Variants in DCHS2 observed in about 807,000 individuals in gnomAD.
DCHS2 encodes the protein dachsous cadherin-related 2.
DCHS2 carries 142 observed loss-of-function variants against 182.4 expected under a neutral mutation model. That is an observed-to-expected ratio of 0.78 (90% CI 0.68 to 0.89). The LOEUF (loss-of-function observed/expected upper bound fraction) is 0.89, where lower values mean the gene tolerates loss of function less well. Ranked by LOEUF, DCHS2 falls within the 40% of genes least tolerant of loss-of-function variation. DCHS2 has a pLI of 0.00. For synonymous variants in DCHS2, 1,740 were observed against 1,663.3 expected, an observed-to-expected ratio of 1.05 and a Z score of -1.12; for missense variants, 4,319 against 4,198.6, an observed-to-expected ratio of 1.03 and a Z score of -0.79.
chr4:154,428,623 A>T (rs1279173155), intron 1 of DCHS2, among the ~76,000 whole-genome samples: 1 of 152,084 alleles, frequency 6.6e-6, no homozygotes, highest in East Asian at 1.9e-4. Flanking sequence ...ATGAAAATGA[A>T]AAAAAGGAAA....
At chr4:154,466,317 A>T (rs1218298432) in intron 1 of DCHS2, among the ~76,000 whole-genome samples, 1 of 152,206 alleles carries the variant, frequency 6.6e-6, no homozygotes, top group Non-Finnish European at 1.5e-5. Flanking sequence ...TTCATTACTC[A>T]TAGCAAAGGT....
In DCHS2 at chr4:154,344,522, C is replaced by T. The variant is rs77845549; in HGVS notation, c.2477-9418G>A. 9.3e-3 allele frequency among the ~76,000 whole-genome samples: 1,416 copies of T among 152,256 alleles called. 17 individuals carry two copies. Among genetic ancestry groups the T allele is most frequent in the Middle Eastern group, 0.017 (5 of 294 alleles). On this transcript the variant is annotated intron_variant, in intron 3 of 19. Coordinates refer to ENST00000357232, the MANE Select transcript of DCHS2 (RefSeq NM_001358235.2). ...CAGGGTCTAATCAGGGAAACTGAAA[C>T]CGTCCTAAGAATTTTAGTGGCTATT...
chr4:154,470,503 G>T (rs1441155465), intron 1 of DCHS2, among the ~76,000 whole-genome samples: 4 of 134,728 alleles, frequency 3.0e-5, no homozygotes, highest in Non-Finnish European at 6.5e-5. Flanking sequence ...AAAAAAAAAT[G>T]TCAAACAGCT....
chr4:154,333,650 C>G, intron 4 of DCHS2, 156 bp from the exon 5 acceptor site: 1 of 748,528 alleles, frequency 1.3e-6, no homozygotes, highest in Non-Finnish European at 2.1e-6. Flanking sequence ...ATTCTGACAC[C>G]GTATTTTATT....
At chr4:154,409,636 A>G (rs931586659) in intron 1 of DCHS2, among the ~76,000 whole-genome samples, 2 of 152,118 alleles carry the variant, frequency 1.3e-5, no homozygotes, top group African/African-American at 4.8e-5. Context: ...TGGTGCCACA[A>G]TAGGCTCATA....
Position 154,242,796 on chromosome 4 carries a change from A to AATGTG in DCHS2, c.6942-29_6942-25dup, listed in dbSNP as rs772793115. 4 of 1,583,848 alleles carry AATGTG rather than the reference A, an allele frequency of 2.5e-6. No homozygotes were observed. The Admixed American group carries it at 5.8e-5, about 23-fold the overall frequency. On this transcript the variant is annotated intron_variant, in intron 16 of 19. Coordinates refer to ENST00000357232, the MANE Select transcript of DCHS2 (RefSeq NM_001358235.2). ...AGCTGGTTTGGAAAAAGAATCAAAG[A>AATGTG]ATGTGATTCATCATCCAGGAATTAG...
chr4:154,435,919 A>C (rs1167950419), intron 1 of DCHS2, among the ~76,000 whole-genome samples: 1 of 152,246 alleles, frequency 6.6e-6, no homozygotes, highest in Admixed American at 6.5e-5. Flanking sequence ...AGGTCAAGGC[A>C]GAGTGGAAAG....
chr4:154,322,649 T>C, intron 7 of DCHS2, 161 bp from the exon 8 acceptor site: 1 of 999,650 alleles, frequency 1.0e-6, no homozygotes, highest in Non-Finnish European at 1.4e-6. Context: ...GAAACATCAC[T>C]TTTTAAAAAT....
chr4:154,476,158 A>C (rs1189373472), intron 1 of DCHS2, among the ~76,000 whole-genome samples: 1 of 152,224 alleles, frequency 6.6e-6, no homozygotes, highest in South Asian at 2.1e-4. Context: ...TCTGCTACCC[A>C]AATTTTTTTC....
rs1560745809 is a variant in DCHS2 at position 154,417,200 on chromosome 4, T to TGA, written c.2053-39757_2053-39756insTC. On this transcript the variant is annotated intron_variant, in intron 1 of 19. Coordinates refer to ENST00000357232, the MANE Select transcript of DCHS2 (RefSeq NM_001358235.2). ...GTGTGTGTGTGTGTGTGTGTGTGTG[T>TGA]GTGTGAGAGAGAGAGAGAGAGAGAG... Among the ~76,000 whole-genome samples, 143 of 47,808 alleles carry TGA rather than the reference T, an allele frequency of 3.0e-3. 1 individual carries two copies. Among genetic ancestry groups the TGA allele is most frequent in the East Asian group, 7.0e-3 (9 of 1,294 alleles). The allele number at this position is 47,808 out of a possible 152,430, so 31.4% of individuals were successfully genotyped here.
chr4:154,346,338 A>G (rs367750992), intron 3 of DCHS2, among the ~76,000 whole-genome samples: 3 of 152,326 alleles, frequency 2.0e-5, no homozygotes, highest in East Asian at 3.9e-4. Context: ...GACAGCCCCT[A>G]CAAAGATGCT....
At chr4:154,257,286 A>G (rs1732737205) in intron 15 of DCHS2, among the ~76,000 whole-genome samples, 1 of 152,146 alleles carries the variant, frequency 6.6e-6, no homozygotes, top group South Asian at 2.1e-4. Flanking sequence ...TGGGTGGTCT[A>G]TCAGCTATGG....
intron 16 of DCHS2, among the ~76,000 whole-genome samples, chr4:154,254,314 C>A (rs1450594490): frequency 1.3e-5 from 2 of 152,144 alleles, no homozygotes; most frequent in Non-Finnish European, 2.9e-5. Context: ...GAAGCATTCT[C>A]AATATGCGGG....
intron 13 of DCHS2, among the ~76,000 whole-genome samples, chr4:154,286,513 G>A (rs1019048740): frequency 6.6e-6 from 1 of 151,896 alleles, no homozygotes; most frequent in African/African-American, 2.4e-5. Context: ...AGAGATTGAA[G>A]TAATTGAAAA....
rs1185960665 is a variant in DCHS2 at position 154,328,175 on chromosome 4, T to C, written c.3936A>G (p.Pro1312=). 2 of 1,606,942 alleles carry C rather than the reference T, an allele frequency of 1.2e-6. No homozygotes were observed. Among genetic ancestry groups the C allele is most frequent in the African/African-American group, 2.7e-5 (2 of 74,774 alleles). ...ELHVKVLEGQ[P]VNMLVTTVFA... The stretch of plus-strand genomic sequence containing the variant: ...ACACAGTTGTAACCAACATATTTAC[T>C]GGTTGACCTTCCAGAACCTGCCATT... Residue 1312 remains proline, a synonymous_variant, in exon 7 of 20, where the codon CCA becomes CCG. Coordinates refer to ENST00000357232, the MANE Select transcript of DCHS2 (RefSeq NM_001358235.2).
chr4:154,391,024 C>A (rs931656780), intron 1 of DCHS2: 3 of 668,294 alleles, frequency 4.5e-6, no homozygotes, highest in Admixed American at 3.1e-5. Context: ...ATGAGAGGAT[C>A]CTAGCTAAGT....
intron 13 of DCHS2, among the ~76,000 whole-genome samples, chr4:154,297,224 C>T (rs1490998931): frequency 6.6e-6 from 1 of 152,160 alleles, no homozygotes; most frequent in Non-Finnish European, 1.5e-5. Context: ...TAACTGTCAT[C>T]CTTTCCTTTT....
At chr4:154,237,216 T>G in intron 19 of DCHS2, 57 bp from the exon 20 acceptor site, 1 of 1,522,206 alleles carries the variant, frequency 6.6e-7, no homozygotes, top group African/African-American at 1.4e-5. Context: ...ATGATCCATT[T>G]AATCGGCAGT....
chr4:154,252,157 A>ATCT (rs956957842), intron 16 of DCHS2, among the ~76,000 whole-genome samples: 1 of 151,860 alleles, frequency 6.6e-6, no homozygotes, highest in African/African-American at 2.4e-5. Flanking sequence ...ATAATAGGAA[A>ATCT]TCTTTTCTTT....
Sources: gnomAD v4.1 joint callset for allele counts (sites outside exome capture counted in the v4.1 genomes callset) on GRCh38, gnomAD v4.1.1 for gene constraint, MANE v1.5 for transcripts, NCBI Gene and HGNC (gene_info 2026-07-23, HGNC 2026-07-21) for gene names.